Variants in REPS2 observed in about 807,000 individuals in gnomAD.
REPS2 encodes ralBP1-associated Eps domain-containing protein 2.
In REPS2, 23 loss-of-function variants were observed where a neutral mutation model predicts 53.6. That is an observed-to-expected ratio of 0.43 (90% CI 0.31 to 0.61). The LOEUF (loss-of-function observed/expected upper bound fraction) is 0.61, where lower values mean the gene tolerates loss of function less well. Among genes scored for constraint, REPS2 ranks in the 20% least tolerant of loss-of-function variants. REPS2 has a pLI of 0.11. For missense variants in REPS2, 446 were observed against 534.9 expected (o/e 0.83, Z 1.64); for synonymous variants, 238 against 218.6 (o/e 1.09, Z -0.78).
At chrX:17,015,151 A>G (rs962724235) in intron 2 of REPS2, among the ~76,000 whole-genome samples, 1 of 113,175 alleles carries the variant, frequency 8.8e-6, no homozygotes, top group Non-Finnish European at 1.9e-5. Context: ...GTAGAAAAGC[A>G]TCTACAACTT....
chrX:17,159,190 C>T, the REPS2 span, among the ~76,000 whole-genome samples: 1 of 111,825 alleles, frequency 8.9e-6, no homozygotes, highest in Non-Finnish European at 1.9e-5. Flanking sequence ...AATTTCTCAG[C>T]CTCCCCAGAT....
intron 5 of REPS2, among the ~76,000 whole-genome samples, chrX:17,039,503 A>C (rs1347994144): frequency 1.8e-5 from 2 of 112,151 alleles, no homozygotes. Context: ...CGCCAGCCAA[A>C]ATCTAAAACT....
In REPS2 at chrX:17,129,203, G is replaced by A. The variant is rs1434855228; in HGVS notation, c.1579-4621G>A. Among the ~76,000 whole-genome samples the A allele has an allele frequency of 9.0e-5, 10 of 111,661 alleles. No homozygotes were observed. The Admixed American group carries it at 9.5e-4, about 11-fold the overall frequency. On this transcript the variant is annotated intron_variant, in intron 14 of 17. Transcript: ENST00000357277. ...CTTGGATTATCATTCTTCCAAAGTTGGTAACTAAGAAAAGTCTCAAGAAAT... is the reference window on the plus strand; with the variant it reads ...CTTGGATTATCATTCTTCCAAAGTTAGTAACTAAGAAAAGTCTCAAGAAAT...
intron 11 of REPS2, among the ~76,000 whole-genome samples, chrX:17,072,052 C>G (rs2062313993): frequency 9.0e-6 from 1 of 111,658 alleles, no homozygotes; most frequent in South Asian, 3.7e-4. Context: ...TGTCTTTAGA[C>G]TGTTGTTGGT....
intron 1 of REPS2, among the ~76,000 whole-genome samples, chrX:16,965,937 A>G (rs976484993): frequency 2.1e-4 from 24 of 112,552 alleles, no homozygotes; most frequent in African/African-American, 3.5e-4. Context: ...GCGAATCCCC[A>G]TCTCCACCAA....
intron 12 of REPS2, among the ~76,000 whole-genome samples, chrX:17,076,035 C>T (rs1262087841): frequency 2.7e-5 from 3 of 111,748 alleles, no homozygotes; most frequent in African/African-American, 9.8e-5. Context: ...AGGGACCACC[C>T]CAGAACACGT....
At chrX:16,962,692 G>A (rs894288444) in intron 1 of REPS2, among the ~76,000 whole-genome samples, 2 of 112,004 alleles carry the variant, frequency 1.8e-5, no homozygotes, top group Non-Finnish European at 3.8e-5. Flanking sequence ...AGGTAACTAT[G>A]GAAGGTGATG....
At chrX:17,036,949 C>T (rs778468280) in intron 5 of REPS2, among the ~76,000 whole-genome samples, 6 of 110,016 alleles carry the variant, frequency 5.5e-5, no homozygotes, top group African/African-American at 1.3e-4. Flanking sequence ...ATTCATTCCT[C>T]GTTTCATTTG....
intron 1 of REPS2, among the ~76,000 whole-genome samples, chrX:16,999,901 G>A (rs1345453493): frequency 9.6e-6 from 1 of 104,631 alleles, no homozygotes; most frequent in African/African-American, 3.5e-5. Flanking sequence ...AAAAAAATTA[G>A]CCGGGCGTAG....
intron 13 of REPS2, among the ~76,000 whole-genome samples, chrX:17,080,678 C>T (rs2062444061): frequency 8.9e-6 from 1 of 112,078 alleles, no homozygotes; most frequent in South Asian, 3.7e-4. Flanking sequence ...GCCAACACTG[C>T]TTCATGTTCA....
the REPS2 span, among the ~76,000 whole-genome samples, chrX:17,167,185 T>C: frequency 5.6e-3 from 631 of 111,946 alleles, 2 homozygotes; most frequent in African/African-American, 0.019. Flanking sequence ...AAAATAAATA[T>C]GTAGGAAGAA....
chrX:17,175,003 C>T, the REPS2 span, among the ~76,000 whole-genome samples: 1 of 112,546 alleles, frequency 8.9e-6, no homozygotes, highest in East Asian at 2.8e-4. Flanking sequence ...ACTGTGAAGG[C>T]TGGAGATGAA....
chrX:16,968,598 G>T (rs1163452155), intron 1 of REPS2, among the ~76,000 whole-genome samples: 1 of 103,582 alleles, frequency 9.7e-6, no homozygotes, highest in Non-Finnish European at 2.0e-5. Flanking sequence ...GGGCGGCCAG[G>T]CAGAGGCGCC....
intron 5 of REPS2, among the ~76,000 whole-genome samples, chrX:17,030,317 GT>G (rs1352778647): frequency 9.0e-5 from 4 of 44,309 alleles, no homozygotes; most frequent in African/African-American, 3.6e-4. Context: ...AAAGAAGGGT[GT>G]GTGTGTGTGT....
intron 13 of REPS2, among the ~76,000 whole-genome samples, chrX:17,092,942 T>C (rs1281097363): frequency 1.9e-5 from 2 of 104,197 alleles, no homozygotes; most frequent in Non-Finnish European, 3.9e-5. Flanking sequence ...AGAAGATTTT[T>C]AAAATTAAAT....
At chrX:16,965,402 G>A (rs1371726669) in intron 1 of REPS2, among the ~76,000 whole-genome samples, 4 of 112,020 alleles carry the variant, frequency 3.6e-5, no homozygotes, top group African/African-American at 6.5e-5. Flanking sequence ...GGTGGCTGCC[G>A]GGCGGAGACG....
At chrX:17,007,758 GAGTCTCTACTATGGCTGCACACTGCA>G (rs1334678378) in intron 2 of REPS2, among the ~76,000 whole-genome samples, 1 of 112,190 alleles carries the variant, frequency 8.9e-6, no homozygotes, top group African/African-American at 3.2e-5. Flanking sequence ...GGACAACTGC[GAGTCTCTACTATGGCTGCACACTGCA>G]AGTCTCTACT....
chrX:17,015,040 T>G (rs924527908), intron 2 of REPS2, among the ~76,000 whole-genome samples: 2 of 113,305 alleles, frequency 1.8e-5, no homozygotes, highest in African/African-American at 6.4e-5. Context: ...TTTCTTAATT[T>G]CTCTGTTTCA....
intron 6 of REPS2, among the ~76,000 whole-genome samples, chrX:17,048,690 A>G (rs1488880396): frequency 8.9e-6 from 1 of 111,764 alleles, no homozygotes; most frequent in African/African-American, 3.3e-5. Flanking sequence ...GAAAAATTCC[A>G]GCTCCATTAA....
Sources: gnomAD v4.1 joint callset for allele counts (sites outside exome capture counted in the v4.1 genomes callset) on GRCh38, gnomAD v4.1.1 for gene constraint, MANE v1.5 for transcripts, NCBI Gene and HGNC (gene_info 2026-07-23, HGNC 2026-07-21) for gene names.